Variants in RO60 observed in about 807,000 individuals in gnomAD.
The protein encoded by RO60 is Ro60, Y RNA binding protein.
RO60 carries 20 observed loss-of-function variants against 55.3 expected under a neutral mutation model. That is an observed-to-expected ratio of 0.36 (90% confidence interval 0.25 to 0.53). The LOEUF is 0.53. RO60 is among the 20% of genes least tolerant of loss of function. The pLI is 0.92. For missense variants in RO60, 558 were observed against 646.6 expected, an observed-to-expected ratio of 0.86 and a Z score of 1.49; for synonymous variants, 213 against 213.6, an observed-to-expected ratio of 1.00 and a Z score of 0.02.
chr1:193,067,822 G>A (rs1890660), intron 1 of RO60, among the ~76,000 whole-genome samples: 98,731 of 151,916 alleles, frequency 0.65, 32,815 homozygotes, highest in Middle Eastern at 0.75. Flanking sequence ...ACATAAAACC[G>A]TAAACCTAAA....
intron 1 of RO60, among the ~76,000 whole-genome samples, chr1:193,068,232 G>C (rs1391158123): frequency 6.6e-6 from 1 of 152,218 alleles, no homozygotes; most frequent in Non-Finnish European, 1.5e-5. Context: ...AGCAGCAGCA[G>C]CTGGGAACTT....
In RO60 at chr1:193,082,821, G is replaced by A. The variant is rs190156867; in HGVS notation, c.1464+113G>A. ...ATTCTGTTGCCCTGGCTGGAGTGCAGTGGCTCAGTCATAGCTCACTGCAAC... is the reference window on the plus strand; with the variant it reads ...ATTCTGTTGCCCTGGCTGGAGTGCAATGGCTCAGTCATAGCTCACTGCAAC... On this transcript the variant is annotated intron_variant, in intron 8 of 8. Transcript: ENST00000400968. The A allele has an allele frequency of 2.0e-3, 1,771 of 896,342 alleles. 2 individuals carry two copies. The highest frequency in any genetic ancestry group is 5.8e-3 in the South Asian group (304 of 52,024). 55.5% of individuals were successfully genotyped at this position (896,342 alleles called of 1,614,324 possible).
chr1:193,064,767 C>A (rs141402688), intron 1 of RO60, among the ~76,000 whole-genome samples: 4 of 152,242 alleles, frequency 2.6e-5, no homozygotes, highest in African/African-American at 7.2e-5. Flanking sequence ...TCATAACATG[C>A]AAAAGGAAGA....
At position 193,085,813 on chromosome 1, in the gene RO60, T is replaced by C. The variant is rs1490353799; in HGVS notation, c.*1082T>C. ...AAATAATAAAGCAATCTAGGTCCTT[T>C]AGGTTTGAAAGGCAATTTTTGAGTA... On this transcript the variant is annotated 3_prime_UTR_variant, in exon 9 of 9. Coordinates refer to ENST00000400968, the MANE Select transcript of RO60 (RefSeq NM_001173524.2). 2 of 985,122 alleles carry C rather than the reference T, an allele frequency of 2.0e-6. No individual in the cohort carries two copies. The highest frequency in any genetic ancestry group is 6.2e-5 in the Admixed American group (1 of 16,252). 61.0% of individuals were successfully genotyped at this position (985,122 alleles called of 1,614,324 possible). A position where few individuals can be genotyped will look rare whatever the true frequency, so the allele number is the denominator to read the frequency against.
intron 1 of RO60, among the ~76,000 whole-genome samples, chr1:193,068,589 T>A (rs1673272657): frequency 6.6e-6 from 1 of 152,224 alleles, no homozygotes. Flanking sequence ...TCCCTTCTTT[T>A]ATTCTCTGTG....
intron 1 of RO60, among the ~76,000 whole-genome samples, chr1:193,062,468 T>C (rs187661395): frequency 1.1e-4 from 17 of 152,376 alleles, no homozygotes; most frequent in Non-Finnish European, 1.9e-4. Flanking sequence ...TAAATAACTT[T>C]CCAAATATAT....
At chr1:193,066,739 GA>G (rs1673135505) in intron 1 of RO60, among the ~76,000 whole-genome samples, 1 of 152,110 alleles carries the variant, frequency 6.6e-6, no homozygotes, top group Non-Finnish European at 1.5e-5. Flanking sequence ...ATGATCTTCA[GA>G]ACAAAACTTC....
intron 1 of RO60, among the ~76,000 whole-genome samples, chr1:193,068,546 T>A (rs1673269432): frequency 6.6e-6 from 1 of 152,234 alleles, no homozygotes; most frequent in Non-Finnish European, 1.5e-5. Context: ...GAGTATGATC[T>A]TTCTTACTTA....
Position 193,085,216 on chromosome 1 carries a change from TAAA to T in RO60, c.*494_*496del. 1.1e-6 allele frequency: 1 copy of T among 932,474 alleles called. No individual in the cohort carries two copies. Among genetic ancestry groups the T allele is most frequent in the Non-Finnish European group, 1.4e-6 (1 of 740,640 alleles). The allele number at this position is 932,474 out of a possible 1,614,324, so 57.8% of individuals were successfully genotyped here. On this transcript the variant is annotated 3_prime_UTR_variant, in exon 9 of 9. Transcript: ENST00000400968. ...TCTGTAAACTTTTATACCAAGGGGG[TAAA>T]AAAAAAAACTAAGGCATTTGATTAA...
intron 2 of RO60, among the ~76,000 whole-genome samples, chr1:193,074,618 A>C (rs965379753): frequency 1.8e-4 from 27 of 152,044 alleles, no homozygotes; most frequent in African/African-American, 6.3e-4. Context: ...AGTTCTTTGT[A>C]GATTCTGGAT....
intron 1 of RO60, among the ~76,000 whole-genome samples, chr1:193,064,321 C>G (rs1033849580): frequency 1.3e-5 from 2 of 152,150 alleles, no homozygotes; most frequent in Non-Finnish European, 2.9e-5. Flanking sequence ...TAGTGATTAG[C>G]CCCCATCCTG....
Position 193,086,928 on chromosome 1 carries a change from G to C in RO60, c.*2197G>C, listed in dbSNP as rs1430623231. 2.6e-5 allele frequency: 4 copies of C among 152,120 alleles called. No individual in the cohort carries two copies. Among genetic ancestry groups the C allele is most frequent in the African/African-American group, 9.7e-5 (4 of 41,434 alleles). 9.4% of individuals were successfully genotyped at this position (152,120 alleles called of 1,614,324 possible). On this transcript the variant is annotated 3_prime_UTR_variant, in exon 9 of 9. Transcript: ENST00000400968. ...TAATTTTTTAAATTTTTGTTAGAGA[G>C]CTGAGGTCCAAGACAGAGTGTGATT...
intron 2 of RO60, among the ~76,000 whole-genome samples, chr1:193,074,125 C>T (rs1673721870): frequency 6.6e-6 from 1 of 152,162 alleles, no homozygotes; most frequent in Non-Finnish European, 1.5e-5. Flanking sequence ...TTTTCTTAAT[C>T]CAGTCTATCA....
intron 8 of RO60, among the ~76,000 whole-genome samples, chr1:193,083,041 C>A (rs542478507): frequency 2.6e-5 from 4 of 152,242 alleles, no homozygotes; most frequent in African/African-American, 9.6e-5. Context: ...ACAGCCACCA[C>A]ACCTGGCCAT....
At chr1:193,068,408 T>G (rs1673260911) in intron 1 of RO60, among the ~76,000 whole-genome samples, 1 of 152,158 alleles carries the variant, frequency 6.6e-6, no homozygotes, top group South Asian at 2.1e-4. Flanking sequence ...GCAATAAAGA[T>G]CCATCCCTTG....
Position 193,085,830 on chromosome 1 carries a change from T to G in RO60, c.*1099T>G. On this transcript the variant is annotated 3_prime_UTR_variant, in exon 9 of 9. Coordinates refer to ENST00000400968, the MANE Select transcript of RO60 (RefSeq NM_001173524.2). The stretch of plus-strand genomic sequence containing the variant: ...AGGTCCTTTAGGTTTGAAAGGCAAT[T>G]TTTGAGTAGCATATTACCAGCTAGC... The G allele has an allele frequency of 1.0e-6, 1 of 985,310 alleles. No individual in the cohort carries two copies. The highest frequency in any genetic ancestry group is 1.2e-6 in the Non-Finnish European group (1 of 829,846). The allele number at this position is 985,310 out of a possible 1,614,324, so 61.0% of individuals were successfully genotyped here.
chr1:193,073,069 G>A (rs1572080364), intron 2 of RO60, among the ~76,000 whole-genome samples: 2 of 152,216 alleles, frequency 1.3e-5, no homozygotes, highest in East Asian at 3.8e-4. Flanking sequence ...GTCAAAATGT[G>A]ATTCAAGTCA....
intron 2 of RO60, among the ~76,000 whole-genome samples, chr1:193,072,739 A>G (rs2103043411): frequency 6.6e-6 from 1 of 152,324 alleles, no homozygotes; most frequent in African/African-American, 2.4e-5. Context: ...ACTAAGAGAA[A>G]GACCGCCCAT....
chr1:193,081,031 A>G (rs1283759569), intron 5 of RO60, among the ~76,000 whole-genome samples: 4 of 152,222 alleles, frequency 2.6e-5, no homozygotes, highest in Non-Finnish European at 5.9e-5. Context: ...GTTATATTTT[A>G]CCACAATAAA....
Sources: gnomAD v4.1 joint callset for allele counts (sites outside exome capture counted in the v4.1 genomes callset) on GRCh38, gnomAD v4.1.1 for gene constraint, MANE v1.5 for transcripts, NCBI Gene and HGNC (gene_info 2026-07-23, HGNC 2026-07-21) for gene names.